Variants in RSPO2 observed in about 807,000 individuals in gnomAD.
RSPO2 encodes the protein R-spondin 2, also known as R-spondin-2.
In RSPO2, 14 loss-of-function variants were observed where a neutral mutation model predicts 30.9. The observed-to-expected ratio is 0.45, with a 90% CI of 0.30 to 0.71. RSPO2 has a LOEUF of 0.71. Among genes scored for constraint, RSPO2 ranks in the 30% least tolerant of loss-of-function variants. RSPO2 has a pLI of 0.08. For missense variants in RSPO2, 264 were observed against 301.9 expected, an observed-to-expected ratio of 0.87 and a Z score of 0.93; for synonymous variants, 107 against 96.4, an observed-to-expected ratio of 1.11 and a Z score of -0.64.
intron 3 of RSPO2, among the ~76,000 whole-genome samples, chr8:107,982,096 T>C (rs143441953): frequency 1.3e-5 from 2 of 149,562 alleles, no homozygotes; most frequent in African/African-American, 4.9e-5. Context: ...TAAATACATA[T>C]TTCACAAAAT....
At chr8:108,050,876 A>G (rs920716053) in intron 2 of RSPO2, among the ~76,000 whole-genome samples, 5 of 152,170 alleles carry the variant, frequency 3.3e-5, no homozygotes, top group Admixed American at 6.5e-5. Context: ...GGTTGGGGGG[A>G]AATGTTGCTA....
chr8:107,976,424 T>C (rs572473821), intron 3 of RSPO2, among the ~76,000 whole-genome samples: 3 of 152,338 alleles, frequency 2.0e-5, no homozygotes, highest in African/African-American at 4.8e-5. Context: ...AAATGTGCAA[T>C]GTAAATGTTT....
Position 108,083,612 on chromosome 8 carries a change from A to T in RSPO2, c.-585T>A, listed in dbSNP as rs1813285716. Reference sequence around the variant, plus strand: ...GTGGCAAGCGCACTTTCCGATGGAGATGCAGACCGGCTGAGGCTTGGGATG... The same window carrying T: ...GTGGCAAGCGCACTTTCCGATGGAGTTGCAGACCGGCTGAGGCTTGGGATG... On this transcript the variant is annotated 5_prime_UTR_variant, in exon 1 of 6. Transcript: ENST00000276659. The T allele has an allele frequency of 6.6e-6, 1 of 152,348 alleles. No homozygotes were observed. Among genetic ancestry groups the T allele is most frequent in the African/African-American group, 2.4e-5 (1 of 41,452 alleles). 9.4% of individuals were successfully genotyped at this position (152,348 alleles called of 1,614,324 possible). A position where few individuals can be genotyped will look rare whatever the true frequency, so the allele number is the denominator to read the frequency against.
intron 2 of RSPO2, among the ~76,000 whole-genome samples, chr8:108,071,530 C>A (rs1586678811): frequency 6.6e-6 from 1 of 152,142 alleles, no homozygotes; most frequent in East Asian, 1.9e-4. Context: ...TGAAGGAGGG[C>A]GGCCACAAGA....
At chr8:108,062,383 C>T (rs1812499439) in intron 2 of RSPO2, among the ~76,000 whole-genome samples, 1 of 151,820 alleles carries the variant, frequency 6.6e-6, no homozygotes, top group South Asian at 2.1e-4. Flanking sequence ...GAAATACAGA[C>T]TACCATCAGA....
At chr8:107,909,259 G>GT (rs11292252) in intron 5 of RSPO2, among the ~76,000 whole-genome samples, 6,423 of 91,408 alleles carry the variant, frequency 0.07, 260 homozygotes, top group East Asian at 0.25. Flanking sequence ...TTTCCCAGTT[G>GT]TTTTTTTTTT....
At chr8:107,981,909 C>G (rs775079920) in intron 3 of RSPO2, among the ~76,000 whole-genome samples, 3 of 149,422 alleles carry the variant, frequency 2.0e-5, no homozygotes, top group Non-Finnish European at 4.4e-5. Context: ...TGGCACACGA[C>G]TGTAGTCCCA....
At chr8:108,079,806 C>A (rs1359796613) in intron 2 of RSPO2, among the ~76,000 whole-genome samples, 1 of 148,012 alleles carries the variant, frequency 6.8e-6, no homozygotes, top group East Asian at 2.2e-4. Context: ...TTCCAAACTA[C>A]AACACCTTTT....
chr8:107,961,639 G>A (rs1038856317), intron 3 of RSPO2, among the ~76,000 whole-genome samples: 7 of 152,080 alleles, frequency 4.6e-5, no homozygotes, highest in Admixed American at 3.3e-4. Flanking sequence ...GCCCTTACCA[G>A]CTCTGTAACT....
intron 5 of RSPO2, among the ~76,000 whole-genome samples, chr8:107,957,757 T>C (rs1470532259): frequency 6.6e-6 from 1 of 152,208 alleles, no homozygotes; most frequent in Non-Finnish European, 1.5e-5. Context: ...TGCGAAGGCC[T>C]GATTTCGTAA....
At chr8:108,029,949 G>C (rs926028454) in intron 2 of RSPO2, among the ~76,000 whole-genome samples, 1 of 151,988 alleles carries the variant, frequency 6.6e-6, no homozygotes, top group African/African-American at 2.4e-5. Flanking sequence ...ATCTAGTGAG[G>C]AACACAAGTA....
intron 3 of RSPO2, chr8:107,983,767 A>C: frequency 1.9e-6 from 3 of 1,598,840 alleles, no homozygotes; most frequent in Non-Finnish European, 2.6e-6. Context: ...CTGGATGTAG[A>C]TGCTGATTTT....
intron 5 of RSPO2, among the ~76,000 whole-genome samples, chr8:107,913,525 C>A (rs1811885881): frequency 6.6e-6 from 1 of 152,190 alleles, no homozygotes; most frequent in African/African-American, 2.4e-5. Context: ...GTCAACTACC[C>A]AAGTAGAGGC....
intron 2 of RSPO2, among the ~76,000 whole-genome samples, chr8:108,062,285 G>C (rs1435408558): frequency 6.6e-6 from 1 of 151,760 alleles, no homozygotes; most frequent in Non-Finnish European, 1.5e-5. Flanking sequence ...TTGATAGCCT[G>C]CTAGCAAGAC....
At chr8:108,033,535 T>C (rs1811496715) in intron 2 of RSPO2, among the ~76,000 whole-genome samples, 1 of 152,216 alleles carries the variant, frequency 6.6e-6, no homozygotes, top group African/African-American at 2.4e-5. Flanking sequence ...TCACATATTT[T>C]GAATAAAAAT....
At chr8:108,000,970 C>T (rs1242820765) in intron 2 of RSPO2, among the ~76,000 whole-genome samples, 1 of 151,032 alleles carries the variant, frequency 6.6e-6, no homozygotes, top group Non-Finnish European at 1.5e-5. Flanking sequence ...CCACTGCACT[C>T]CAGCCTGGGT....
chr8:107,980,382 G>A (rs947371537), intron 3 of RSPO2, among the ~76,000 whole-genome samples: 1 of 152,038 alleles, frequency 6.6e-6, no homozygotes, highest in Non-Finnish European at 1.5e-5. Context: ...TAATACTGTT[G>A]GGAAAACCAT....
At chr8:108,041,028 T>C (rs968629317) in intron 2 of RSPO2, among the ~76,000 whole-genome samples, 5 of 151,920 alleles carry the variant, frequency 3.3e-5, no homozygotes, top group African/African-American at 1.2e-4. Context: ...AGAAAAGAAA[T>C]CAATTTAGGA....
chr8:107,971,856 G>A (rs1348387139), intron 3 of RSPO2, among the ~76,000 whole-genome samples: 1 of 152,018 alleles, frequency 6.6e-6, no homozygotes, highest in Admixed American at 6.6e-5. Context: ...TACCTTCTTA[G>A]CCTCAACTCC....
Sources: gnomAD v4.1 joint callset for allele counts (sites outside exome capture counted in the v4.1 genomes callset) on GRCh38, gnomAD v4.1.1 for gene constraint, MANE v1.5 for transcripts, NCBI Gene and HGNC (gene_info 2026-07-23, HGNC 2026-07-21) for gene names.